Variants in ASPSCR1 observed in about 807,000 individuals in gnomAD.
ASPSCR1 encodes the protein tether containing UBX domain for GLUT4.
A neutral mutation model predicts 68.9 loss-of-function variants in ASPSCR1; 55 were observed. The ratio of observed to expected loss-of-function variants is 0.80; its 90% CI spans 0.64 to 1.00. The LOEUF (loss-of-function observed/expected upper bound fraction) is 1.00, where lower values mean the gene tolerates loss of function less well. Ranked by LOEUF, ASPSCR1 falls within the 50% of genes least tolerant of loss-of-function variation. The pLI is 0.00. For synonymous variants in ASPSCR1, 352 were observed against 332.6 expected (o/e 1.06, Z -0.63); for missense variants, 765 against 762.2 (o/e 1.00, Z -0.04).
At chr17:81,988,054 A>T (rs2042052024) in intron 4 of ASPSCR1, among the ~76,000 whole-genome samples, 1 of 148,948 alleles carries the variant, frequency 6.7e-6, no homozygotes, top group Non-Finnish European at 1.5e-5. Context: ...GCTACTCAGG[A>T]GGCTGAGGCA....
chr17:81,977,865 G>A lies in ASPSCR1; in HGVS notation c.102+117G>A, dbSNP rs1023933655. 2 of 720,804 alleles carry A rather than the reference G, an allele frequency of 2.8e-6. No homozygotes were observed. The highest frequency in any genetic ancestry group is 6.9e-5 in the South Asian group (1 of 14,430). The allele number at this position is 720,804 out of a possible 1,614,324, so 44.7% of individuals were successfully genotyped here. On this transcript the variant is annotated intron_variant, in intron 1 of 15. Coordinates refer to ENST00000306739, the MANE Select transcript of ASPSCR1 (RefSeq NM_024083.4). This position sits in a 1 kb window ranked among gnomAD's most constrained non-coding sequence, Gnocchi z 5.0. ...GGCGGGGCCTCGGCGGCCAATGAGC[G>A]GCCTCCTGAGCGGCGGCCCCGCCCC...
chr17:81,985,917 G>A (rs1009640575), intron 4 of ASPSCR1, among the ~76,000 whole-genome samples: 8 of 151,974 alleles, frequency 5.3e-5, no homozygotes, highest in South Asian at 2.1e-4. Flanking sequence ...GGAGACGTTC[G>A]GTGCTGGGGG....
At chr17:81,982,063 G>C (rs1376701486) in intron 2 of ASPSCR1, among the ~76,000 whole-genome samples, 1 of 152,114 alleles carries the variant, frequency 6.6e-6, no homozygotes, top group Non-Finnish European at 1.5e-5. Context: ...CCGCCTCCCG[G>C]GTTGAAGCAC....
chr17:81,997,737 C>T (rs1212193808), intron 7 of ASPSCR1, among the ~76,000 whole-genome samples: 2 of 151,004 alleles, frequency 1.3e-5, no homozygotes, highest in African/African-American at 4.8e-5. Context: ...GATCCACCCA[C>T]CTCGGCCTCC....
chr17:81,983,492 C>A lies in ASPSCR1; in HGVS notation c.159-62C>A. On this transcript the variant is annotated intron_variant, in intron 2 of 15. Coordinates refer to ENST00000306739, the MANE Select transcript of ASPSCR1 (RefSeq NM_024083.4). This position sits in a 1 kb window ranked among gnomAD's most constrained non-coding sequence, Gnocchi z 4.4. ...GGATGGTGGGACGGGGATGGCGGGG[C>A]GTGGATGGCAGGGCGTGTCAGGCTC... 1 of 1,355,190 alleles carries A rather than the reference C, an allele frequency of 7.4e-7. No individual in the cohort carries two copies. Among genetic ancestry groups the A allele is most frequent in the Non-Finnish European group, 1.0e-6 (1 of 967,976 alleles). The allele number at this position is 1,355,190 out of a possible 1,614,324, so 83.9% of individuals were successfully genotyped here.
intron 7 of ASPSCR1, among the ~76,000 whole-genome samples, chr17:81,998,516 C>T (rs1343831713): frequency 2.0e-5 from 3 of 152,272 alleles, no homozygotes; most frequent in Non-Finnish European, 1.5e-5. Flanking sequence ...CTAGTCATTT[C>T]TCTGCCAAGG....
At chr17:82,000,289 G>T (rs914220271) in intron 7 of ASPSCR1, among the ~76,000 whole-genome samples, 1 of 152,234 alleles carries the variant, frequency 6.6e-6, no homozygotes, top group African/African-American at 2.4e-5. Context: ...GTGCCCGCCC[G>T]TGCTCGCCCG....
At chr17:82,011,157 A>G (rs1382763332) in intron 10 of ASPSCR1, among the ~76,000 whole-genome samples, 1 of 152,160 alleles carries the variant, frequency 6.6e-6, no homozygotes, top group Non-Finnish European at 1.5e-5. Flanking sequence ...AGGGGCACCC[A>G]GAGGAAGGCA....
At position 81,977,895 on chromosome 17, in the gene ASPSCR1, T is replaced by G; in HGVS notation, c.102+147T>G. 1.9e-6 allele frequency: 1 copy of G among 513,976 alleles called. No homozygotes were observed. Among genetic ancestry groups the G allele is most frequent in the South Asian group, 9.9e-5 (1 of 10,150 alleles). The allele number at this position is 513,976 out of a possible 1,614,324, so 31.8% of individuals were successfully genotyped here. On this transcript the variant is annotated intron_variant, in intron 1 of 15. Transcript: ENST00000306739. The surrounding 1 kb of genome is among the most constrained non-coding windows in gnomAD (Gnocchi z 5.0). ...CCTGAGCGGCGGCCCCGCCCCCTGC[T>G]CGCCGTCACCTGCGCTTCCGCTGGG...
In ASPSCR1 at chr17:81,983,714, G is replaced by C; in HGVS notation, c.273+46G>C. 2 of 1,501,192 alleles carry C rather than the reference G, an allele frequency of 1.3e-6. No homozygotes were observed. Among genetic ancestry groups the C allele is most frequent in the Middle Eastern group, 1.8e-4 (1 of 5,630 alleles). 93.0% of individuals were successfully genotyped at this position (1,501,192 alleles called of 1,614,324 possible). On this transcript the variant is annotated intron_variant, in intron 3 of 15. Transcript: ENST00000306739. This position sits in a 1 kb window ranked among gnomAD's most constrained non-coding sequence, Gnocchi z 4.4. ...GGCTGACTGTGTGGGGCACAGGATC[G>C]TTCAGCTGGCCAGGGACGGGGGACG...
Position 81,983,719 on chromosome 17 carries a change from G to T in ASPSCR1, c.273+51G>T. 6.8e-7 allele frequency: 1 copy of T among 1,479,912 alleles called. No individual in the cohort carries two copies. The allele number at this position is 1,479,912 out of a possible 1,614,324, so 91.7% of individuals were successfully genotyped here. ...ACTGTGTGGGGCACAGGATCGTTCA[G>T]CTGGCCAGGGACGGGGGACGGGACA... On this transcript the variant is annotated intron_variant, in intron 3 of 15. Transcript: ENST00000306739. This position sits in a 1 kb window ranked among gnomAD's most constrained non-coding sequence, Gnocchi z 4.4.
intron 10 of ASPSCR1, 84 bp from the exon 11 acceptor site, chr17:82,011,459 G>T (rs1264280277): frequency 2.8e-5 from 37 of 1,300,678 alleles, no homozygotes; most frequent in Non-Finnish European, 3.9e-5. Flanking sequence ...GCCCAGGAGG[G>T]TGGGAGCAGT....
intron 7 of ASPSCR1, chr17:82,005,136 C>T (rs59513476): frequency 0.02 from 3,105 of 152,482 alleles, 142 homozygotes; most frequent in East Asian, 0.16. Flanking sequence ...TGGGGAGCAG[C>T]GGGAGGCCTG....
chr17:82,008,955 AC>A, intron 7 of ASPSCR1, 81 bp from the exon 8 acceptor site: 2 of 1,417,296 alleles, frequency 1.4e-6, no homozygotes, highest in Non-Finnish European at 1.8e-6. Flanking sequence ...CTGTGTGACC[AC>A]CTCGGCTGGG....
At chr17:81,997,182 C>T (rs931913724) in intron 7 of ASPSCR1, among the ~76,000 whole-genome samples, 5 of 97,728 alleles carry the variant, frequency 5.1e-5, no homozygotes, top group African/African-American at 1.1e-4. Flanking sequence ...GTGTCAGCTC[C>T]GTGTTGGCTC....
chr17:81,983,582 C>G lies in ASPSCR1; in HGVS notation c.187C>G (p.Leu63Val), dbSNP rs1446802375. ...TCAGAGGAGCGTGCTCGACCTTTCT[C>G]TCCAGTGGAGATTTGCCAACCTGCC... Reference protein sequence around the residue: ...KFQRSVLDLSLQWRFANLPNN... With the variant: ...KFQRSVLDLSVQWRFANLPNN... Residue 63 changes from leucine (L) to valine (V), a missense_variant, in exon 3 of 16, where the codon CTC becomes GTC. Transcript: ENST00000306739. This position sits in a 1 kb window ranked among gnomAD's most constrained non-coding sequence, Gnocchi z 4.4. 3.1e-6 allele frequency: 5 copies of G among 1,613,528 alleles called. No individual in the cohort carries two copies. Among genetic ancestry groups the G allele is most frequent in the East Asian group, 4.5e-5 (2 of 44,858 alleles).
intron 7 of ASPSCR1, among the ~76,000 whole-genome samples, chr17:82,003,511 G>A (rs536815334): frequency 2.6e-5 from 4 of 152,352 alleles, no homozygotes; most frequent in East Asian, 3.9e-4. Flanking sequence ...GTGGCCACTC[G>A]CTGGCAGGCC....
At position 81,987,719 on chromosome 17, in the gene ASPSCR1, G is replaced by A. The variant is rs866028532; in HGVS notation, c.374+2112G>A. On this transcript the variant is annotated intron_variant, in intron 4 of 15. Coordinates refer to ENST00000306739, the MANE Select transcript of ASPSCR1 (RefSeq NM_024083.4). This position sits in a 1 kb window ranked among gnomAD's most constrained non-coding sequence, Gnocchi z 5.6. Reference sequence around the variant, plus strand: ...AGGCTTGGCCAGGCGTGGTGGTTCTGGAAGTGGCTTTGGAGCTGGCTTTGG... The same window carrying A: ...AGGCTTGGCCAGGCGTGGTGGTTCTAGAAGTGGCTTTGGAGCTGGCTTTGG... Among the ~76,000 whole-genome samples the A allele has an allele frequency of 6.6e-5, 10 of 151,990 alleles. No homozygotes were observed. The highest frequency in any genetic ancestry group is 8.8e-5 in the Non-Finnish European group (6 of 67,980).
intron 7 of ASPSCR1, chr17:82,005,280 T>C (rs1313208386): frequency 6.7e-6 from 1 of 149,420 alleles, no homozygotes; most frequent in East Asian, 2.0e-4. Context: ...CCGCGTGAAG[T>C]GGGCATCAGT....
Sources: allele counts gnomAD v4.1 joint callset (sites outside exome capture counted in the v4.1 genomes callset), GRCh38; gene constraint gnomAD v4.1.1; non-coding constraint Gnocchi (gnomAD v3.1); transcripts MANE v1.5; gene names NCBI Gene and HGNC (gene_info 2026-07-23, HGNC 2026-07-21).